The following DMD variants were observed in gnomAD, a reference collection of about 807,000 sequenced individuals.
The protein encoded by DMD is mutant dystrophin.
A neutral mutation model predicts 330.1 loss-of-function variants in DMD; 63 were observed. The ratio of observed to expected loss-of-function variants is 0.19; its 90% CI spans 0.16 to 0.24. The LOEUF (loss-of-function observed/expected upper bound fraction) is 0.24, where lower values mean the gene tolerates loss of function less well. Ranked by LOEUF, DMD falls within the 10% of genes least tolerant of loss-of-function variation. The pLI, the probability that DMD is intolerant of heterozygous loss-of-function variation, is 1.00. For synonymous variants in DMD, 1,223 were observed against 959.8 expected (o/e 1.27, Z -5.07); for missense variants, 3,344 against 2,684.1 (o/e 1.25, Z -5.43).
intron 60 of DMD, among the ~76,000 whole-genome samples, chrX:31,374,468 C>T (rs1205069062): frequency 9.2e-5 from 10 of 108,640 alleles, no homozygotes; most frequent in Non-Finnish European, 1.7e-4. Context: ...GTGGCACATA[C>T]GCACCATGGA....
chrX:31,820,738 T>G (rs1486927791), intron 49 of DMD, among the ~76,000 whole-genome samples: 1 of 111,648 alleles, frequency 9.0e-6, no homozygotes, highest in Non-Finnish European at 1.9e-5. Flanking sequence ...CAGGACAAGT[T>G]TGAAGGGCTA....
chrX:31,123,845 T>G (rs914784635), intron 78 of DMD, among the ~76,000 whole-genome samples: 2 of 111,755 alleles, frequency 1.8e-5, no homozygotes, highest in African/African-American at 6.5e-5. Context: ...GAAAACTCAT[T>G]TTTTTTCCTG....
At chrX:32,713,079 AAATT>A (rs2065341254) in intron 7 of DMD, among the ~76,000 whole-genome samples, 1 of 112,010 alleles carries the variant, frequency 8.9e-6, no homozygotes, top group Admixed American at 9.5e-5. Flanking sequence ...CCACACCATT[AAATT>A]ATTTCTCTAT....
chrX:32,243,101 A>C (rs1603628985), intron 43 of DMD, among the ~76,000 whole-genome samples: 1 of 109,572 alleles, frequency 9.1e-6, no homozygotes, highest in East Asian at 2.9e-4. Flanking sequence ...CAAGCTAGTT[A>C]AGTAAGATTT....
intron 11 of DMD, among the ~76,000 whole-genome samples, chrX:32,639,909 A>T (rs1423932744): frequency 9.0e-6 from 1 of 110,672 alleles, no homozygotes; most frequent in East Asian, 2.8e-4. Context: ...AGTAAAAAAC[A>T]TCTATGAGGG....
intron 7 of DMD, among the ~76,000 whole-genome samples, chrX:32,740,710 A>G (rs1270299387): frequency 9.0e-6 from 1 of 111,437 alleles, no homozygotes; most frequent in East Asian, 2.8e-4. Context: ...TAATTAGACC[A>G]TTTTGTGAGT....
chrX:31,954,414 C>A (rs2150116205), intron 45 of DMD, among the ~76,000 whole-genome samples: 1 of 111,256 alleles, frequency 9.0e-6, no homozygotes, highest in African/African-American at 3.3e-5. Flanking sequence ...GTAGATAAAC[C>A]TTGCTTTTGT....
At chrX:32,521,473 T>C (rs934276624) in intron 17 of DMD, among the ~76,000 whole-genome samples, 1 of 103,244 alleles carries the variant, frequency 9.7e-6, no homozygotes, top group Admixed American at 1.0e-4. Flanking sequence ...TGTCAAGACC[T>C]AGTTCATTAC....
chrX:31,318,549 A>G (rs2056205477), intron 62 of DMD, among the ~76,000 whole-genome samples: 1 of 112,529 alleles, frequency 8.9e-6, no homozygotes, highest in Admixed American at 9.4e-5. Context: ...CTCAGATGCA[A>G]TAAATGGTTG....
intron 1 of DMD, among the ~76,000 whole-genome samples, chrX:33,070,665 CTCTCTCTCTATATATA>C (rs1307712120): frequency 8.7e-5 from 4 of 45,884 alleles, no homozygotes; most frequent in African/African-American, 2.8e-4. Flanking sequence ...CTCTCTCTCT[CTCTCTCTCTATATATA>C]TATATATATA....
intron 1 of DMD, among the ~76,000 whole-genome samples, chrX:33,320,968 T>C (rs2054006609): frequency 8.9e-6 from 1 of 111,998 alleles, no homozygotes. Flanking sequence ...TATGAGATTT[T>C]AGGAATTCAG....
At chrX:31,352,958 A>G (rs185269300) in intron 60 of DMD, among the ~76,000 whole-genome samples, 7 of 111,976 alleles carry the variant, frequency 6.3e-5, no homozygotes, top group African/African-American at 2.3e-4. Context: ...TGTTAAATCA[A>G]TATACCGTGG....
intron 43 of DMD, among the ~76,000 whole-genome samples, chrX:32,224,677 C>G (rs2097141704): frequency 9.0e-6 from 1 of 111,602 alleles, no homozygotes; most frequent in African/African-American, 3.3e-5. Flanking sequence ...ATATTCAATG[C>G]TGATATTTTT....
intron 50 of DMD, among the ~76,000 whole-genome samples, chrX:31,793,235 G>T (rs2091662705): frequency 9.0e-6 from 1 of 110,723 alleles, no homozygotes; most frequent in African/African-American, 3.3e-5. Context: ...TTAGAAAAAG[G>T]CAACATTCGA....
At chrX:31,884,345 C>T (rs948940877) in intron 47 of DMD, among the ~76,000 whole-genome samples, 4 of 111,580 alleles carry the variant, frequency 3.6e-5, no homozygotes, top group Admixed American at 9.5e-5. Context: ...TCATTTGCAA[C>T]AACACGGATT....
chrX:32,447,667 T>G (rs773273725), intron 27 of DMD, among the ~76,000 whole-genome samples: 64 of 111,835 alleles, frequency 5.7e-4, no homozygotes, highest in Middle Eastern at 9.2e-3. Flanking sequence ...TTCACCAAAA[T>G]AACTCAGTCT....
At chrX:31,566,428 G>A (rs1344675438) in intron 55 of DMD, among the ~76,000 whole-genome samples, 2 of 111,462 alleles carry the variant, frequency 1.8e-5, no homozygotes, top group African/African-American at 6.5e-5. Flanking sequence ...CTGTTTTTGG[G>A]TTCTCTATTC....
chrX:31,938,554 T>C lies in DMD; in HGVS notation c.6615-6327A>G, dbSNP rs140645826. Among the ~76,000 whole-genome samples, 8 of 111,664 alleles carry C rather than the reference T, an allele frequency of 7.2e-5. No homozygotes were observed. The East Asian group carries it at 2.0e-3, about 27-fold the overall frequency. On this transcript the variant is annotated intron_variant, in intron 45 of 78. Transcript: ENST00000357033. ...AAATTCTTCACAGGCACCTTCAACA[T>C]TGAAATTTGCATCCTCATGGATGCA...
chrX:32,243,315 C>G, intron 43 of DMD, among the ~76,000 whole-genome samples: 2 of 111,581 alleles, frequency 1.8e-5, no homozygotes, highest in Middle Eastern at 4.6e-3. Context: ...AAGCTGGTTT[C>G]ACATGATGCT....
Sources: gnomAD v4.1 joint callset for allele counts (sites outside exome capture counted in the v4.1 genomes callset) on GRCh38, gnomAD v4.1.1 for gene constraint, MANE v1.5 for transcripts, NCBI Gene and HGNC (gene_info 2026-07-23, HGNC 2026-07-21) for gene names.